Variants in MTA1 observed in about 807,000 individuals in gnomAD.
The protein encoded by MTA1 is metastasis associated 1.
MTA1 carries 15 observed loss-of-function variants against 97.0 expected under a neutral mutation model. The ratio of observed to expected loss-of-function variants is 0.15; its 90% confidence interval spans 0.10 to 0.24. MTA1 has a LOEUF of 0.24. Ranked by LOEUF, MTA1 falls within the 10% of genes least tolerant of loss-of-function variation. The probability of loss-of-function intolerance (pLI) is 1.00; values close to 1 mark genes in which losing one functional copy is unlikely to be tolerated. For missense variants in MTA1, 709 were observed against 1,015.1 expected, an observed-to-expected ratio of 0.70 and a Z score of 4.10; for synonymous variants, 435 against 417.5, an observed-to-expected ratio of 1.04 and a Z score of -0.51.
chr14:105,433,136 C>T (rs1184834670), intron 1 of MTA1, among the ~76,000 whole-genome samples: 7 of 152,150 alleles, frequency 4.6e-5, no homozygotes, highest in Admixed American at 3.3e-4. Flanking sequence ...CAAAGGGAAG[C>T]GGCACAGGGG....
chr14:105,425,538 A>C (rs1159945279), intron 1 of MTA1, among the ~76,000 whole-genome samples: 1 of 152,172 alleles, frequency 6.6e-6, no homozygotes, highest in African/African-American at 2.4e-5. Flanking sequence ...GGGCTCCCAA[A>C]GTGCCGCTGG....
In MTA1 at chr14:105,460,283, G is replaced by A. The variant is rs969166808; in HGVS notation, c.654-75G>A. The A allele has an allele frequency of 3.6e-6, 5 of 1,388,490 alleles. No individual in the cohort carries two copies. The East Asian group carries it at 1.2e-4, about 34-fold the overall frequency. 86.0% of individuals were successfully genotyped at this position (1,388,490 alleles called of 1,614,324 possible). A position where few individuals can be genotyped will look rare whatever the true frequency, so the allele number is the denominator to read the frequency against. ...TGCTGCCCGTGGCCGCTGGTCCCTG[G>A]CGCCTGGGGAGCGGTGTGCCTGTGG... On this transcript the variant is annotated intron_variant, in intron 8 of 20. Transcript: ENST00000331320.
In MTA1 at chr14:105,463,459, C is replaced by T; in HGVS notation, c.1018-34C>T. 6.2e-6 allele frequency: 10 copies of T among 1,611,458 alleles called. No homozygotes were observed. Among genetic ancestry groups the T allele is most frequent in the Non-Finnish European group, 8.5e-6 (10 of 1,178,472 alleles). ...CACTGCAGCCCCAACCTGGGCCTAG[C>T]CTGCTGACCTCTGACCTTCTCTTTT... On this transcript the variant is annotated intron_variant, in intron 11 of 20. Transcript: ENST00000331320. This position sits in a 1 kb window ranked among gnomAD's most constrained non-coding sequence, Gnocchi z 5.9.
At chr14:105,450,689 G>C (rs782173278) in intron 6 of MTA1, among the ~76,000 whole-genome samples, 2 of 152,182 alleles carry the variant, frequency 1.3e-5, no homozygotes, top group Non-Finnish European at 2.9e-5. Flanking sequence ...GCGGTGGGCA[G>C]AGTCCTGGTA....
intron 18 of MTA1, chr14:105,467,463 C>T (rs2141707396): frequency 4.4e-6 from 2 of 455,956 alleles, no homozygotes; most frequent in East Asian, 6.9e-5. Context: ...CAACCCTGTC[C>T]CCTTGGGGCA....
intron 2 of MTA1, among the ~76,000 whole-genome samples, chr14:105,443,057 CTG>C (rs1249710125): frequency 1.6e-4 from 25 of 152,312 alleles, no homozygotes; most frequent in African/African-American, 6.0e-4. Flanking sequence ...ATTGGATGGT[CTG>C]TGTGTGTCAC....
intron 18 of MTA1, 80 bp from the exon 19 acceptor site, chr14:105,469,387 G>A: frequency 6.6e-7 from 1 of 1,510,008 alleles, no homozygotes; most frequent in Admixed American, 1.7e-5. Context: ...TTGTCCCAAG[G>A]TGGCTGAGGC....
chr14:105,434,234 T>C (rs1050108123), intron 1 of MTA1, among the ~76,000 whole-genome samples: 2 of 152,182 alleles, frequency 1.3e-5, no homozygotes, highest in African/African-American at 4.8e-5. Flanking sequence ...ATCTGGACCT[T>C]TATAGGAAGC....
intron 1 of MTA1, among the ~76,000 whole-genome samples, chr14:105,421,800 C>T (rs1297676037): frequency 2.6e-5 from 4 of 152,232 alleles, no homozygotes; most frequent in African/African-American, 9.6e-5. Flanking sequence ...CCCTGGGCCC[C>T]ACACAGGCTT....
intron 1 of MTA1, among the ~76,000 whole-genome samples, chr14:105,423,546 T>A (rs1486980541): frequency 1.3e-5 from 2 of 152,010 alleles, no homozygotes; most frequent in Admixed American, 1.3e-4. Flanking sequence ...AAGTTGAGGC[T>A]GGGTGACAGA....
intron 1 of MTA1, among the ~76,000 whole-genome samples, chr14:105,436,004 C>T (rs1595298493): frequency 2.0e-5 from 3 of 152,168 alleles, no homozygotes. Context: ...CATGGTGGCT[C>T]ATGCCTGTAA....
intron 1 of MTA1, among the ~76,000 whole-genome samples, chr14:105,434,918 C>G (rs188655820): frequency 6.6e-6 from 1 of 152,214 alleles, no homozygotes; most frequent in Non-Finnish European, 1.5e-5. Context: ...ACATCATCTG[C>G]GTATAGAAAG....
chr14:105,447,381 C>T (rs1294905391), intron 3 of MTA1, among the ~76,000 whole-genome samples: 1 of 152,178 alleles, frequency 6.6e-6, no homozygotes, highest in Non-Finnish European at 1.5e-5. Flanking sequence ...GGCACAGTGT[C>T]CCTGCTCCAG....
At chr14:105,436,349 C>T (rs1421382785) in intron 1 of MTA1, among the ~76,000 whole-genome samples, 1 of 152,212 alleles carries the variant, frequency 6.6e-6, no homozygotes, top group Non-Finnish European at 1.5e-5. Flanking sequence ...TATTTTTACT[C>T]TATCATTTCC....
At chr14:105,443,750 T>A (rs1198832464) in intron 2 of MTA1, among the ~76,000 whole-genome samples, 1 of 152,178 alleles carries the variant, frequency 6.6e-6, no homozygotes, top group Non-Finnish European at 1.5e-5. Context: ...AGTTCAAGAT[T>A]AGCCTGAGCA....
chr14:105,456,832 C>T (rs1467652457), intron 7 of MTA1, among the ~76,000 whole-genome samples: 2 of 152,212 alleles, frequency 1.3e-5, no homozygotes, highest in Non-Finnish European at 2.9e-5. Flanking sequence ...CCCCCCAGCC[C>T]GCCTTGCTGG....
In MTA1 at chr14:105,450,978, G is replaced by A. The variant is rs1299981090; in HGVS notation, c.432+654G>A. Among the ~76,000 whole-genome samples the A allele has an allele frequency of 2.6e-5, 4 of 152,220 alleles. 1 individual carries two copies. Among genetic ancestry groups the A allele is most frequent in the South Asian group, 4.1e-4 (2 of 4,836 alleles). On this transcript the variant is annotated intron_variant, in intron 6 of 20. Transcript: ENST00000331320. ...CTGGAGTGTGTTGGTTCCCTGGAGT[G>A]CCTGTCACAGTTGCGGGGCACACCT...
chr14:105,462,717 A>T (rs1443667812), intron 10 of MTA1, among the ~76,000 whole-genome samples: 1 of 151,740 alleles, frequency 6.6e-6, no homozygotes, highest in African/African-American at 2.4e-5. Context: ...AAAAATACAA[A>T]AATTAGCCGG....
At chr14:105,443,097 TGC>T (rs1355376150) in intron 2 of MTA1, among the ~76,000 whole-genome samples, 2 of 152,164 alleles carry the variant, frequency 1.3e-5, no homozygotes, top group African/African-American at 4.8e-5. Context: ...GTAACCCCAC[TGC>T]GGTGGAGCCT....
Sources: allele counts gnomAD v4.1 joint callset (sites outside exome capture counted in the v4.1 genomes callset), GRCh38; gene constraint gnomAD v4.1.1; non-coding constraint Gnocchi (gnomAD v3.1); transcripts MANE v1.5; gene names NCBI Gene and HGNC (gene_info 2026-07-23, HGNC 2026-07-21).